Variants in GRIN2A observed in about 807,000 individuals in gnomAD.
GRIN2A encodes the protein glutamate ionotropic receptor NMDA type subunit 2A.
Under a neutral mutation model 113.4 loss-of-function variants are expected in GRIN2A, and 22 were observed. The observed-to-expected ratio is 0.19, with a 90% confidence interval of 0.14 to 0.28. GRIN2A has a LOEUF of 0.28. Ranked by LOEUF, GRIN2A falls within the 10% of genes least tolerant of loss-of-function variation. The pLI, the probability that GRIN2A is intolerant of heterozygous loss-of-function variation, is 1.00. For missense variants in GRIN2A, 1,502 were observed against 1,887.0 expected (o/e 0.80, Z 3.78); for synonymous variants, 827 against 738.4 (o/e 1.12, Z -1.94).
intron 2 of GRIN2A, among the ~76,000 whole-genome samples, chr16:10,040,454 T>TGAACACAGTCACAAATAC (rs2047140979): frequency 6.6e-6 from 1 of 150,522 alleles, no homozygotes; most frequent in Non-Finnish European, 1.5e-5. Flanking sequence ...GTCACAAATA[T>TGAACACAGTCACAAATAC]AAATCCACGC....
chr16:10,144,141 T>G (rs1026742504), intron 2 of GRIN2A, among the ~76,000 whole-genome samples: 2 of 152,146 alleles, frequency 1.3e-5, no homozygotes, highest in Non-Finnish European at 2.9e-5. Flanking sequence ...TCCATTACGC[T>G]GGTGCTATTA....
At chr16:9,821,423 A>G (rs537780733) in intron 10 of GRIN2A, among the ~76,000 whole-genome samples, 6 of 152,158 alleles carry the variant, frequency 3.9e-5, no homozygotes. Flanking sequence ...AGCAGAAAGA[A>G]ACCAATGTGG....
chr16:10,124,498 G>A (rs796398814), intron 2 of GRIN2A, among the ~76,000 whole-genome samples: 65 of 152,188 alleles, frequency 4.3e-4, no homozygotes, highest in African/African-American at 1.2e-3. Context: ...CCGGGCAAGC[G>A]GAAAAGGGCA....
intron 2 of GRIN2A, among the ~76,000 whole-genome samples, chr16:10,099,121 T>G (rs1356993238): frequency 6.6e-6 from 1 of 152,192 alleles, no homozygotes; most frequent in Admixed American, 6.5e-5. Context: ...ACATTCCCCA[T>G]ACCTTGTGCA....
At chr16:10,112,636 T>C (rs2048640436) in intron 2 of GRIN2A, 2 of 767,026 alleles carry the variant, frequency 2.6e-6, no homozygotes, top group Non-Finnish European at 4.8e-6. Flanking sequence ...CTAGATGCCA[T>C]GGAGAAGAGC....
chr16:9,775,935 C>A (rs1225016177), intron 11 of GRIN2A, among the ~76,000 whole-genome samples: 1 of 152,132 alleles, frequency 6.6e-6, no homozygotes, highest in Non-Finnish European at 1.5e-5. Flanking sequence ...AGGAAGGTCA[C>A]CAGTCAACTC....
At chr16:10,049,977 C>T (rs889499044) in intron 2 of GRIN2A, among the ~76,000 whole-genome samples, 4 of 152,190 alleles carry the variant, frequency 2.6e-5, no homozygotes, top group Admixed American at 2.6e-4. Flanking sequence ...CATACCCATA[C>T]CATCCTACCT....
intron 4 of GRIN2A, among the ~76,000 whole-genome samples, chr16:9,864,896 G>C (rs189542794): frequency 5.3e-5 from 8 of 152,310 alleles, no homozygotes; most frequent in Admixed American, 4.6e-4. Flanking sequence ...CCAAATGAAA[G>C]GGGTTGGTGC....
intron 3 of GRIN2A, among the ~76,000 whole-genome samples, chr16:9,924,595 T>A (rs1301386169): frequency 6.6e-6 from 1 of 152,212 alleles, no homozygotes; most frequent in Non-Finnish European, 1.5e-5. Flanking sequence ...ATAGTTTTCA[T>A]TAAATTTGAA....
intron 2 of GRIN2A, among the ~76,000 whole-genome samples, chr16:10,117,683 C>T (rs1671735170): frequency 6.6e-6 from 1 of 152,162 alleles, no homozygotes; most frequent in Admixed American, 6.5e-5. Context: ...TCCATCTCTG[C>T]ACCAGGAGGA....
At chr16:10,042,850 C>T (rs960284772) in intron 2 of GRIN2A, among the ~76,000 whole-genome samples, 8 of 152,166 alleles carry the variant, frequency 5.3e-5, no homozygotes, top group Admixed American at 3.9e-4. Flanking sequence ...ATGCCTCAAA[C>T]TTCAGGAACC....
chr16:10,039,619 G>C (rs2047105158), intron 2 of GRIN2A, among the ~76,000 whole-genome samples: 1 of 151,710 alleles, frequency 6.6e-6, no homozygotes, highest in Non-Finnish European at 1.5e-5. Context: ...CGTTGGGCGC[G>C]GGGAGGGTCT....
At chr16:10,177,822 G>T (rs2050179737) in intron 2 of GRIN2A, among the ~76,000 whole-genome samples, 1 of 152,140 alleles carries the variant, frequency 6.6e-6, no homozygotes, top group Non-Finnish European at 1.5e-5. Flanking sequence ...AGCAGGCAGG[G>T]TCACTGCCTA....
intron 2 of GRIN2A, among the ~76,000 whole-genome samples, chr16:10,120,699 C>G (rs541807111): frequency 1.4e-4 from 21 of 152,288 alleles, no homozygotes; most frequent in Non-Finnish European, 2.9e-4. Flanking sequence ...AAGACACCTG[C>G]AATCTCTTTG....
chr16:10,138,455 G>A (rs1332701633), intron 2 of GRIN2A, among the ~76,000 whole-genome samples: 4 of 152,082 alleles, frequency 2.6e-5, no homozygotes, highest in Admixed American at 2.0e-4. Flanking sequence ...GATGGGGATG[G>A]GTAGAAAAGA....
chr16:9,940,848 T>G (rs937012644), intron 2 of GRIN2A, among the ~76,000 whole-genome samples: 2 of 152,096 alleles, frequency 1.3e-5, no homozygotes, highest in Non-Finnish European at 2.9e-5. Context: ...TCAGCAGTTG[T>G]CCACAGAACT....
intron 2 of GRIN2A, among the ~76,000 whole-genome samples, chr16:10,074,904 C>T (rs1567280049): frequency 6.6e-6 from 1 of 152,170 alleles, no homozygotes; most frequent in South Asian, 2.1e-4. Flanking sequence ...AACATTTAAA[C>T]GTAAGACTAG....
At chr16:9,841,162 C>A in intron 5 of GRIN2A, 58 bp from the exon 6 acceptor site, 1 of 1,389,354 alleles carries the variant, frequency 7.2e-7, no homozygotes, top group Non-Finnish European at 1.0e-6. Flanking sequence ...TGTTCACAAT[C>A]ATTAGCTGTA....
At chr16:10,097,259 G>A (rs1046518903) in intron 2 of GRIN2A, among the ~76,000 whole-genome samples, 4 of 152,220 alleles carry the variant, frequency 2.6e-5, no homozygotes, top group African/African-American at 9.6e-5. Flanking sequence ...TGGCTGTGAT[G>A]CCAAGTTGCT....
Sources: allele counts gnomAD v4.1 joint callset (sites outside exome capture counted in the v4.1 genomes callset), GRCh38; gene constraint gnomAD v4.1.1; transcripts MANE v1.5; gene names NCBI Gene and HGNC (gene_info 2026-07-23, HGNC 2026-07-21).